Variants in PAG1 observed in about 807,000 individuals in gnomAD.
The protein encoded by PAG1 is phosphoprotein associated with glycosphingolipid-enriched microdomains 1.
A neutral mutation model predicts 31.7 loss-of-function variants in PAG1; 23 were observed. The ratio of observed to expected loss-of-function variants is 0.73; its 90% CI spans 0.52 to 1.03. The LOEUF is 1.03. PAG1 is among the 50% of genes least tolerant of loss of function. The pLI is 0.00. For missense variants in PAG1, 473 were observed against 540.7 expected (o/e 0.87, Z 1.24); for synonymous variants, 214 against 210.3 (o/e 1.02, Z -0.15).
chr8:81,025,610 C>T (rs1808262440), intron 3 of PAG1, among the ~76,000 whole-genome samples: 1 of 152,152 alleles, frequency 6.6e-6, no homozygotes, highest in African/African-American at 2.4e-5. Flanking sequence ...GGGCCCAGGA[C>T]CCACCAGTGA....
intron 2 of PAG1, among the ~76,000 whole-genome samples, chr8:81,061,252 T>C (rs983988484): frequency 1.3e-5 from 2 of 152,206 alleles, no homozygotes; most frequent in African/African-American, 4.8e-5. Flanking sequence ...ATGCTATTAC[T>C]CAGGTCTACC....
chr8:81,023,794 A>G (rs931467343), intron 3 of PAG1, among the ~76,000 whole-genome samples: 5 of 152,338 alleles, frequency 3.3e-5, no homozygotes, highest in Admixed American at 2.6e-4. Context: ...TAAGATATTT[A>G]AGATTAAAAG....
rs187887441 is a variant in PAG1 at position 81,021,350 on chromosome 8, T to C, written c.-81+8646A>G. Among the ~76,000 whole-genome samples the C allele has an allele frequency of 6.8e-4, 103 of 152,040 alleles. 1 individual carries two copies. The highest frequency in any genetic ancestry group is 3.3e-3 in the Admixed American group (50 of 15,258). Reference sequence around the variant, plus strand: ...TTATTAACAACTTACGTCAGCATGGTACATGTGTTACAATTAATGGACCAA... The same window carrying C: ...TTATTAACAACTTACGTCAGCATGGCACATGTGTTACAATTAATGGACCAA... On this transcript the variant is annotated intron_variant, in intron 3 of 8. Coordinates refer to ENST00000220597, the MANE Select transcript of PAG1 (RefSeq NM_018440.4).
chr8:80,993,511 C>T (rs570759323), intron 3 of PAG1, among the ~76,000 whole-genome samples: 6 of 152,066 alleles, frequency 3.9e-5, no homozygotes, highest in Non-Finnish European at 7.4e-5. Flanking sequence ...TACCTGAAAA[C>T]GAAAGCGGGA....
intron 3 of PAG1, among the ~76,000 whole-genome samples, chr8:81,023,053 G>C (rs144896445): frequency 1.3e-5 from 2 of 152,030 alleles, no homozygotes; most frequent in East Asian, 3.9e-4. Flanking sequence ...ATAAACTTTT[G>C]CAAACCTCCA....
chr8:81,056,326 G>C (rs550771791), intron 2 of PAG1, among the ~76,000 whole-genome samples: 1 of 151,972 alleles, frequency 6.6e-6, no homozygotes, highest in African/African-American at 2.4e-5. Flanking sequence ...ACTATACTAC[G>C]AGGCTACAGT....
chr8:81,071,127 A>C (rs564605589), intron 1 of PAG1, among the ~76,000 whole-genome samples: 1 of 152,210 alleles, frequency 6.6e-6, no homozygotes, highest in Non-Finnish European at 1.5e-5. Flanking sequence ...AATGAAAAGC[A>C]AAGTAACATT....
rs1807190415 is a variant in PAG1 at position 80,976,723 on chromosome 8, G to C, written c.1120C>G (p.Pro374Ala). 6.2e-7 allele frequency: 1 copy of C among 1,614,000 alleles called. No homozygotes were observed. The highest frequency in any genetic ancestry group is 1.7e-5 in the Admixed American group (1 of 60,010). ...DFEKTPNSTL[P>A]PAGRPSEEPE... Reference sequence around the variant, plus strand: ...TCCTCGCTGGGCCTCCCTGCTGGTGGAAGTGTGCTGTTTGGAGTTTTTTCG... The same window carrying C: ...TCCTCGCTGGGCCTCCCTGCTGGTGCAAGTGTGCTGTTTGGAGTTTTTTCG... Residue 374 changes from proline (P) to alanine (A), a missense_variant, in exon 9 of 9, where the codon CCA becomes GCA. By Grantham distance (27) the Pro-to-Ala change is conservative. Transcript: ENST00000220597.
intron 1 of PAG1, among the ~76,000 whole-genome samples, chr8:81,099,943 T>A (rs928222044): frequency 1.3e-5 from 2 of 152,252 alleles, no homozygotes; most frequent in African/African-American, 4.8e-5. Flanking sequence ...TGTCAACACC[T>A]TCCCTTCTTT....
chr8:81,082,252 C>CAAAAAAAA (rs748117144), intron 1 of PAG1, among the ~76,000 whole-genome samples: 3 of 48,058 alleles, frequency 6.2e-5, no homozygotes, highest in African/African-American at 1.3e-4. Flanking sequence ...GACTCTGTCT[C>CAAAAAAAA]AAAAAAAAAA....
intron 1 of PAG1, among the ~76,000 whole-genome samples, chr8:81,093,594 A>C (rs542527143): frequency 6.6e-6 from 1 of 152,038 alleles, no homozygotes; most frequent in Admixed American, 6.5e-5. Context: ...TTGCCTTTAC[A>C]ACATGATCAT....
chr8:81,082,321 TTAC>T (rs980273515), intron 1 of PAG1, among the ~76,000 whole-genome samples: 1 of 151,618 alleles, frequency 6.6e-6, no homozygotes, highest in African/African-American at 2.4e-5. Flanking sequence ...AAAATCCCTT[TTAC>T]TACATTAAAA....
chr8:81,110,248 T>C (rs977176703), intron 1 of PAG1, among the ~76,000 whole-genome samples: 1 of 152,236 alleles, frequency 6.6e-6, no homozygotes, highest in African/African-American at 2.4e-5. Flanking sequence ...TGTGTATATA[T>C]ATTTAGCAGG....
chr8:81,099,156 T>C (rs767015529), intron 1 of PAG1, among the ~76,000 whole-genome samples: 8 of 152,212 alleles, frequency 5.3e-5, no homozygotes, highest in Non-Finnish European at 7.3e-5. Flanking sequence ...GAATACACTG[T>C]ATTACCTTTC....
chr8:80,993,311 CAA>C lies in PAG1; in HGVS notation c.-80-6_-80-5del, dbSNP rs2130512012. On this transcript the variant is annotated splice_polypyrimidine_tract_variant and splice_region_variant and intron_variant, in intron 3 of 8. Transcript: ENST00000220597. ...CATGGAGGCAGAGAGCTGTGTCCTGCAAAGAGACCAGTGCGTTTGGAGAGTAA... is the reference window on the plus strand; with the variant it reads ...CATGGAGGCAGAGAGCTGTGTCCTGCAGAGACCAGTGCGTTTGGAGAGTAA... The C allele has an allele frequency of 8.0e-6, 11 of 1,369,672 alleles. No individual in the cohort carries two copies. The highest frequency in any genetic ancestry group is 1.4e-5 in the South Asian group (1 of 71,062). 84.8% of individuals were successfully genotyped at this position (1,369,672 alleles called of 1,614,324 possible). A position where few individuals can be genotyped will look rare whatever the true frequency, so the allele number is the denominator to read the frequency against.
At chr8:81,014,168 A>C (rs556225035) in intron 3 of PAG1, among the ~76,000 whole-genome samples, 1 of 152,370 alleles carries the variant, frequency 6.6e-6, no homozygotes, top group African/African-American at 2.4e-5. Context: ...ATGTGTAAAT[A>C]GAGTCATCAA....
chr8:81,043,547 T>C (rs1042637299), intron 2 of PAG1, among the ~76,000 whole-genome samples: 1 of 152,226 alleles, frequency 6.6e-6, no homozygotes, highest in African/African-American at 2.4e-5. Flanking sequence ...TTCCTTTGAG[T>C]AACTATAGAA....
chr8:81,073,190 T>C (rs1275066904), intron 1 of PAG1, among the ~76,000 whole-genome samples: 1 of 152,222 alleles, frequency 6.6e-6, no homozygotes, highest in African/African-American at 2.4e-5. Context: ...AGCCATGATA[T>C]ATCTCTTTTC....
rs144903252 is a variant in PAG1 at position 81,053,688 on chromosome 8, G to A, written c.-175+16424C>T. Among the ~76,000 whole-genome samples, 239 of 152,338 alleles carry A rather than the reference G, an allele frequency of 1.6e-3. 1 individual carries two copies. Among genetic ancestry groups the A allele is most frequent in the South Asian group, 4.8e-3 (23 of 4,824 alleles). ...AGGGGAGATACACCTTGGGCATATGGTGGTGTCATTAACTGGGATAGGAAA... is the reference window on the plus strand; with the variant it reads ...AGGGGAGATACACCTTGGGCATATGATGGTGTCATTAACTGGGATAGGAAA... On this transcript the variant is annotated intron_variant, in intron 2 of 8. Coordinates refer to ENST00000220597, the MANE Select transcript of PAG1 (RefSeq NM_018440.4).
Sources: allele counts gnomAD v4.1 joint callset (sites outside exome capture counted in the v4.1 genomes callset), GRCh38; gene constraint gnomAD v4.1.1; transcripts MANE v1.5; gene names NCBI Gene and HGNC (gene_info 2026-07-23, HGNC 2026-07-21).